Variants in CFAP100 observed in about 807,000 individuals in gnomAD.
CFAP100 encodes cilia- and flagella-associated protein 100.
Under a neutral mutation model 81.5 loss-of-function variants are expected in CFAP100, and 70 were observed. The ratio of observed to expected loss-of-function variants is 0.86; its 90% CI spans 0.71 to 1.05. The LOEUF is 1.05. CFAP100 is among the 50% of genes least tolerant of loss of function. CFAP100 has a pLI of 0.00. For missense variants in CFAP100, 811 were observed against 776.5 expected (o/e 1.04, Z -0.53); for synonymous variants, 341 against 314.8 (o/e 1.08, Z -0.88).
intron 2 of CFAP100, among the ~76,000 whole-genome samples, chr3:126,397,396 G>C (rs2082905843): frequency 6.6e-6 from 1 of 152,134 alleles, no homozygotes; most frequent in South Asian, 2.1e-4. Flanking sequence ...GCTGGAATAA[G>C]GTTTAAAAAC....
At chr3:126,395,786 G>A (rs548397279) in intron 1 of CFAP100, among the ~76,000 whole-genome samples, 156 bp from the exon 2 acceptor site, 2 of 152,346 alleles carry the variant, frequency 1.3e-5, no homozygotes, top group East Asian at 3.9e-4. Flanking sequence ...CCAAGTCCAG[G>A]AGGTGAGAGT....
chr3:126,399,453 A>G (rs75526129), intron 2 of CFAP100, among the ~76,000 whole-genome samples: 2,400 of 152,354 alleles, frequency 0.016, 57 homozygotes, highest in East Asian at 0.13. Context: ...AAAAGGAGGA[A>G]GTAAAACTAT....
At chr3:126,407,317 C>A in intron 3 of CFAP100, 65 bp downstream of exon 3, 2 of 993,110 alleles carry the variant, frequency 2.0e-6, no homozygotes, top group Non-Finnish European at 3.2e-6. Flanking sequence ...CCTCTGCCCC[C>A]AGATCCCCTC....
At chr3:126,399,742 G>C (rs553278844) in intron 2 of CFAP100, among the ~76,000 whole-genome samples, 7 of 152,224 alleles carry the variant, frequency 4.6e-5, no homozygotes, top group African/African-American at 1.4e-4. Flanking sequence ...CTGGAGTTTA[G>C]TGAAATGCTT....
In CFAP100 at chr3:126,435,596, C is replaced by T; in HGVS notation, c.1666C>T (p.Gln556Ter). 3 of 1,612,620 alleles carry T rather than the reference C, an allele frequency of 1.9e-6. No individual in the cohort carries two copies. The highest frequency in any genetic ancestry group is 1.1e-5 in the South Asian group (1 of 91,002). Residue 556 changes from glutamine to a stop codon, truncating the protein, a stop_gained, in exon 16 of 17, where the codon CAG becomes TAG. Coordinates refer to ENST00000352312, the MANE Select transcript of CFAP100 (RefSeq NM_182628.3). LOFTEE classifies it high-confidence loss of function. ...EEKLQMQKIL[Q>*]EEHLQRARAR... is the part of the protein sequence containing the mutation. ...GAAGCTCCAGATGCAAAAGATCCTACAGGAGGAGCATCTGCAGCGGGCCCG... is the reference window on the plus strand; with the variant it reads ...GAAGCTCCAGATGCAAAAGATCCTATAGGAGGAGCATCTGCAGCGGGCCCG...
intron 4 of CFAP100, among the ~76,000 whole-genome samples, chr3:126,414,957 C>T (rs2083211340): frequency 6.6e-6 from 1 of 152,192 alleles, no homozygotes; most frequent in Admixed American, 6.5e-5. Context: ...ATCTGTAGGG[C>T]ATGGGTGGAG....
intron 2 of CFAP100, among the ~76,000 whole-genome samples, chr3:126,397,756 GCT>G (rs1466908588): frequency 6.6e-6 from 1 of 152,252 alleles, no homozygotes; most frequent in African/African-American, 2.4e-5. Flanking sequence ...GGACTGCTGA[GCT>G]CTGTGTCCTG....
chr3:126,399,002 G>A (rs1373153740), intron 2 of CFAP100, among the ~76,000 whole-genome samples: 1 of 152,212 alleles, frequency 6.6e-6, no homozygotes, highest in Non-Finnish European at 1.5e-5. Context: ...TGGCACTGCT[G>A]TGTCCTCCAC....
intron 13 of CFAP100, among the ~76,000 whole-genome samples, chr3:126,432,284 A>G (rs1312641226): frequency 2.0e-5 from 1 of 49,864 alleles, no homozygotes; most frequent in Admixed American, 2.1e-4. Context: ...CTCCGTCTCA[A>G]AAAAAAAAAA....
At position 126,434,427 on chromosome 3, in the gene CFAP100, C is replaced by T. The variant is rs748434174; in HGVS notation, c.1628+46C>T. The T allele has an allele frequency of 1.9e-6, 3 of 1,576,630 alleles. No homozygotes were observed. In the Admixed American group the frequency reaches 5.2e-5, roughly 27 times the overall value. On this transcript the variant is annotated intron_variant, in intron 15 of 16. Coordinates refer to ENST00000352312, the MANE Select transcript of CFAP100 (RefSeq NM_182628.3). ...GCCAGCTGCTGTGTCCTGGCTGGCC[C>T]TGAGGGCAGAGGGCACATACAGGCC...
At position 126,414,093 on chromosome 3, in the gene CFAP100, C is replaced by G; in HGVS notation, c.139C>G (p.Pro47Ala). ...GGTGTCTCCCTTTCCAGAACATGGTCCTGACCCTTCAGCGAACCCTTTCCA... is the reference window on the plus strand; with the variant it reads ...GGTGTCTCCCTTTCCAGAACATGGTGCTGACCCTTCAGCGAACCCTTTCCA... ...KQARKNEEHG[P>A]DPSANPFHLS... is the part of the protein sequence containing the mutation. Residue 47 changes from proline (P) to alanine (A), a missense_variant, in exon 4 of 17, where the codon CCT becomes GCT. Coordinates refer to ENST00000352312, the MANE Select transcript of CFAP100 (RefSeq NM_182628.3). 6.2e-7 allele frequency: 1 copy of G among 1,613,152 alleles called. No homozygotes were observed. Among genetic ancestry groups the G allele is most frequent in the Non-Finnish European group, 8.5e-7 (1 of 1,179,114 alleles).
chr3:126,424,702 C>A (rs1553792988), intron 13 of CFAP100, among the ~76,000 whole-genome samples: 2 of 152,266 alleles, frequency 1.3e-5, no homozygotes. Context: ...GCAGCAGATA[C>A]AACAAACAGA....
At chr3:126,413,974 A>C (rs1026310694) in intron 3 of CFAP100, 111 bp from the exon 4 acceptor site, 1 of 757,636 alleles carries the variant, frequency 1.3e-6, no homozygotes, top group African/African-American at 1.7e-5. Flanking sequence ...GAACCTTCCC[A>C]CTCACTCATG....
At chr3:126,406,435 C>T (rs891744334) in intron 2 of CFAP100, among the ~76,000 whole-genome samples, 1 of 152,222 alleles carries the variant, frequency 6.6e-6, no homozygotes, top group Admixed American at 6.5e-5. Flanking sequence ...CACGTTCTGG[C>T]AGCCCCTGCC....
rs1262851997 is a variant in CFAP100 at position 126,416,390 on chromosome 3, C to T, written c.300C>T (p.Thr100=). The change falls in exon 5 of 17, where the codon ACC becomes ACT. Residue 100 remains threonine (T), a synonymous_variant. Coordinates refer to ENST00000352312, the MANE Select transcript of CFAP100 (RefSeq NM_182628.3). The part of the protein sequence containing the change: ...TYSSKVSAKH[T]SLRRQLQLED... ...CCTCGAAAGTGTCGGCTAAGCACAC[C>T]AGCCTGCGGCGGCAGCTGCAGCTGG... 20 of 1,612,000 alleles carry T rather than the reference C, an allele frequency of 1.2e-5. No individual in the cohort carries two copies. The highest frequency in any genetic ancestry group is 1.6e-5 in the Non-Finnish European group (19 of 1,179,504).
At chr3:126,431,360 CA>C (rs1933219331) in intron 13 of CFAP100, among the ~76,000 whole-genome samples, 2 of 152,320 alleles carry the variant, frequency 1.3e-5, no homozygotes, top group African/African-American at 4.8e-5. Flanking sequence ...GGAAATACCC[CA>C]AAATGAATGG....
chr3:126,416,342 G>A lies in CFAP100; in HGVS notation c.252G>A (p.Arg84=). The change falls in exon 5 of 17, where the codon CGG becomes CGA. Residue 84 remains arginine (R), a synonymous_variant. Coordinates refer to ENST00000352312, the MANE Select transcript of CFAP100 (RefSeq NM_182628.3). Reference sequence around the variant, plus strand: ...AACGGCAGCAGCAGAAGACGATGCGGGTGCACCAGAAGATGACCTACTCCT... The same window carrying A: ...AACGGCAGCAGCAGAAGACGATGCGAGTGCACCAGAAGATGACCTACTCCT... ...LSERQQQKTM[R]VHQKMTYSSK... is the part of the protein sequence containing the mutation. The A allele has an allele frequency of 6.2e-7, 1 of 1,602,364 alleles. No homozygotes were observed. The highest frequency in any genetic ancestry group is 1.1e-5 in the South Asian group (1 of 90,104).
At chr3:126,395,886 G>T in intron 1 of CFAP100, 56 bp from the exon 2 acceptor site, 1 of 877,056 alleles carries the variant, frequency 1.1e-6, no homozygotes, top group East Asian at 2.5e-5. Flanking sequence ...CCACCCAGGG[G>T]GAAGGAAGCT....
In CFAP100 at chr3:126,418,970, A is replaced by AGC; in HGVS notation, c.651-105_651-104dup. 3 of 965,214 alleles carry AGC rather than the reference A, an allele frequency of 3.1e-6. No homozygotes were observed. The South Asian group carries it at 5.0e-5, about 16-fold the overall frequency. The allele number at this position is 965,214 out of a possible 1,614,324, so 59.8% of individuals were successfully genotyped here. On this transcript the variant is annotated intron_variant, in intron 7 of 16. Transcript: ENST00000352312. ...TGTGTGGCTCTCCAGCCCTGTCCGG[A>AGC]GCCGGGCCCAGCCCTGGGGCCTGTG...
Sources: allele counts gnomAD v4.1 joint callset (sites outside exome capture counted in the v4.1 genomes callset), GRCh38; gene constraint gnomAD v4.1.1; transcripts MANE v1.5; gene names NCBI Gene and HGNC (gene_info 2026-07-23, HGNC 2026-07-21).